The following TBC1D31 variants were observed in gnomAD, a reference collection of about 807,000 sequenced individuals.
TBC1D31 encodes WD repeat domain 67.
TBC1D31 carries 99 observed loss-of-function variants against 132.9 expected under a neutral mutation model. The observed-to-expected ratio is 0.74, with a 90% CI of 0.63 to 0.88. The LOEUF (loss-of-function observed/expected upper bound fraction) is 0.88. Among genes scored for constraint, TBC1D31 ranks in the 40% least tolerant of loss-of-function variants. The pLI is 0.00. For synonymous variants in TBC1D31, 385 were observed against 419.4 expected (o/e 0.92, Z 1.00); for missense variants, 1,134 against 1,256.6 (o/e 0.90, Z 1.48).
At chr8:123,124,067 G>GAA (rs778155550) in intron 11 of TBC1D31, among the ~76,000 whole-genome samples, 7 of 121,494 alleles carry the variant, frequency 5.8e-5, no homozygotes, top group Admixed American at 1.7e-4. Context: ...CTCCATAATT[G>GAA]AAAAAAAAAA....
At chr8:123,128,242 T>C in intron 13 of TBC1D31, 39 bp from the exon 14 acceptor site, 1 of 1,024,560 alleles carries the variant, frequency 9.8e-7, no homozygotes, top group Non-Finnish European at 1.5e-6. Context: ...AATTGCTTTG[T>C]CAGGTAAATC....
In TBC1D31 at chr8:123,077,217, C is replaced by A; in HGVS notation, c.184C>A (p.His62Asn). The part of the protein sequence containing the change: ...GTGDCLIAGD[H>N]QGNIYVFDLH... ...AGGCGACTGCTTAATTGCTGGGGAC[C>A]ACCAAGGAAATATTTATGTTTTTGA... The change falls in exon 2 of 22, where the codon CAC (histidine) becomes AAC (asparagine). Residue 62 changes from histidine to asparagine, a missense_variant. Transcript: ENST00000287380. The A allele has an allele frequency of 6.2e-7, 1 of 1,612,326 alleles. No homozygotes were observed.
chr8:123,163,589 C>G, the TBC1D31 span, among the ~76,000 whole-genome samples: 1 of 151,220 alleles, frequency 6.6e-6, no homozygotes, highest in African/African-American at 2.4e-5. Flanking sequence ...TGATCTTGAA[C>G]TCCTAATCTC....
the TBC1D31 span, among the ~76,000 whole-genome samples, chr8:123,157,244 A>C: frequency 1.2e-4 from 18 of 152,164 alleles, no homozygotes; most frequent in South Asian, 4.1e-4. Flanking sequence ...CCGTGTGAGG[A>C]TCGAACTCAC....
At chr8:123,146,320 C>T (rs952198052) in intron 20 of TBC1D31, among the ~76,000 whole-genome samples, 8 of 152,190 alleles carry the variant, frequency 5.3e-5, no homozygotes, top group African/African-American at 1.4e-4. Context: ...TTAGCAGTCA[C>T]TCCCCATTTC....
At chr8:123,114,449 T>C (rs1818735438) in intron 10 of TBC1D31, among the ~76,000 whole-genome samples, 1 of 151,834 alleles carries the variant, frequency 6.6e-6, no homozygotes, top group Non-Finnish European at 1.5e-5. Context: ...GCCTCCAGAG[T>C]AGCTGGGACT....
intron 11 of TBC1D31, among the ~76,000 whole-genome samples, chr8:123,121,018 A>G (rs1263886913): frequency 6.9e-6 from 1 of 144,508 alleles, no homozygotes; most frequent in Non-Finnish European, 1.5e-5. Flanking sequence ...GCTGGAGTGC[A>G]GTAGTGCTCA....
At chr8:123,149,655 G>C (rs534874617) in intron 20 of TBC1D31, among the ~76,000 whole-genome samples, 2 of 152,172 alleles carry the variant, frequency 1.3e-5, no homozygotes, top group African/African-American at 4.8e-5. Flanking sequence ...CTTGCCTATG[G>C]CTGGCTCTGA....
the TBC1D31 span, among the ~76,000 whole-genome samples, chr8:123,163,675 C>T: frequency 5.3e-5 from 8 of 152,044 alleles, no homozygotes; most frequent in African/African-American, 1.9e-4. Context: ...CCATTTTAAC[C>T]ATTTTTAAAA....
Position 123,151,845 on chromosome 8 carries a change from G to C in TBC1D31, c.3107G>C (p.Gly1036Ala). 1 of 1,588,904 alleles carries C rather than the reference G, an allele frequency of 6.3e-7. No homozygotes were observed. Among genetic ancestry groups the C allele is most frequent in the Non-Finnish European group, 8.5e-7 (1 of 1,172,684 alleles). The change falls in exon 22 of 22, where the codon GGA becomes GCA. Residue 1036 changes from glycine (G) to alanine (A), a missense_variant. Transcript: ENST00000287380. Reference sequence around the variant, plus strand: ...AGAGCAGTAGAATGGGACACCACGGGACAGAATCTTATTAAGAAAGTGAGA... The same window carrying C: ...AGAGCAGTAGAATGGGACACCACGGCACAGAATCTTATTAAGAAAGTGAGA... ...NRRAVEWDTT[G>A]QNLIKKVRNL... is the part of the protein sequence containing the mutation.
chr8:123,133,279 C>T (rs1473575970), intron 16 of TBC1D31, among the ~76,000 whole-genome samples: 1 of 152,208 alleles, frequency 6.6e-6, no homozygotes, highest in Non-Finnish European at 1.5e-5. Flanking sequence ...TGCTAGGCCA[C>T]ACCTCTCCTC....
chr8:123,158,801 G>A, the TBC1D31 span, among the ~76,000 whole-genome samples: 4 of 152,120 alleles, frequency 2.6e-5, no homozygotes, highest in African/African-American at 7.2e-5. Context: ...ACCTCCCAGT[G>A]GGAGAAGGAC....
At chr8:123,162,706 A>G in the TBC1D31 span, among the ~76,000 whole-genome samples, 2 of 152,232 alleles carry the variant, frequency 1.3e-5, no homozygotes, top group Non-Finnish European at 2.9e-5. Flanking sequence ...CAATTGCACG[A>G]ATAATATGTA....
chr8:123,107,854 C>T (rs1422560910), intron 8 of TBC1D31, among the ~76,000 whole-genome samples: 1 of 152,176 alleles, frequency 6.6e-6, no homozygotes, highest in Non-Finnish European at 1.5e-5. Context: ...TTTGCATTAG[C>T]ACGTGGAAAG....
At chr8:123,139,118 G>GT (rs35012698) in intron 17 of TBC1D31, among the ~76,000 whole-genome samples, 52,898 of 139,234 alleles carry the variant, frequency 0.38, 9,632 homozygotes, top group Admixed American at 0.43. Flanking sequence ...CATATTTCTT[G>GT]TTTTTTTTTT....
In TBC1D31 at chr8:123,134,193, G is replaced by C. The variant is rs1297951578; in HGVS notation, c.2486G>C (p.Arg829Thr). ...MRQLELESQK[R>T]LYEKNLTENQ... ...CAGCTGGAACTCGAATCACAAAAGA[G>C]ACTTTATGAGAAGGTATAATTCAGT... Residue 829 changes from arginine (R) to threonine (T), a missense_variant, in exon 17 of 22, where the codon AGA becomes ACA. By Grantham distance (71) the Arg-to-Thr change is moderately conservative. Transcript: ENST00000287380. 6.2e-6 allele frequency: 10 copies of C among 1,613,690 alleles called. No individual in the cohort carries two copies. The highest frequency in any genetic ancestry group is 8.5e-6 in the Non-Finnish European group (10 of 1,179,696).
chr8:123,131,460 A>G (rs777830899), intron 16 of TBC1D31, among the ~76,000 whole-genome samples: 5 of 151,792 alleles, frequency 3.3e-5, no homozygotes, highest in Non-Finnish European at 7.4e-5. Flanking sequence ...CTATATTTAT[A>G]CAAAAATGGG....
chr8:123,126,860 G>A (rs1459571992), intron 13 of TBC1D31, among the ~76,000 whole-genome samples, 173 bp downstream of exon 13: 1 of 152,010 alleles, frequency 6.6e-6, no homozygotes, highest in Non-Finnish European at 1.5e-5. Flanking sequence ...TCCTGCCTCA[G>A]CCTCCTGAGT....
chr8:123,117,505 A>G (rs988707216), intron 10 of TBC1D31, among the ~76,000 whole-genome samples: 1 of 152,096 alleles, frequency 6.6e-6, no homozygotes, highest in Admixed American at 6.6e-5. Context: ...CTGTAATCCC[A>G]GCACTTTGGG....
Sources: allele counts gnomAD v4.1 joint callset (sites outside exome capture counted in the v4.1 genomes callset), GRCh38; gene constraint gnomAD v4.1.1; transcripts MANE v1.5; gene names NCBI Gene and HGNC (gene_info 2026-07-23, HGNC 2026-07-21).